SLC38A11: variants seen among roughly 807,000 people sequenced by gnomAD.
SLC38A11 encodes the protein solute carrier family 38 member 11.
A neutral mutation model predicts 49.4 loss-of-function variants in SLC38A11; 51 were observed. The ratio of observed to expected loss-of-function variants is 1.03; its 90% CI spans 0.83 to 1.30. The LOEUF is 1.30. Ranked by LOEUF, SLC38A11 falls within the 50% of genes most tolerant of loss-of-function variation. The pLI is 0.00. For synonymous variants in SLC38A11, 203 were observed against 192.9 expected (o/e 1.05, Z -0.43); for missense variants, 574 against 556.2 (o/e 1.03, Z -0.32).
At chr2:164,910,874 C>T (rs1000438262) in intron 10 of SLC38A11, among the ~76,000 whole-genome samples, 2 of 152,052 alleles carry the variant, frequency 1.3e-5, no homozygotes, top group South Asian at 2.1e-4. Flanking sequence ...GGATTCCTGA[C>T]AGGCCATGTT....
intron 7 of SLC38A11, among the ~76,000 whole-genome samples, chr2:164,929,297 C>T (rs1223215831): frequency 3.3e-5 from 5 of 152,216 alleles, no homozygotes; most frequent in African/African-American, 9.6e-5. Flanking sequence ...CTTTGGGATA[C>T]CCTTTTCCCC....
At chr2:164,941,078 A>C (rs1451221378) in intron 5 of SLC38A11, among the ~76,000 whole-genome samples, 1 of 152,010 alleles carries the variant, frequency 6.6e-6, no homozygotes, top group Non-Finnish European at 1.5e-5. Context: ...ATAACTGAGG[A>C]TCCCATTTGC....
intron 6 of SLC38A11, among the ~76,000 whole-genome samples, chr2:164,937,930 G>A (rs1319227633): frequency 6.6e-6 from 1 of 151,216 alleles, no homozygotes; most frequent in Non-Finnish European, 1.5e-5. Context: ...CTGCTCTCCA[G>A]CTCTACTTTT....
intron 2 of SLC38A11, among the ~76,000 whole-genome samples, chr2:164,954,391 C>A (rs1688712939): frequency 6.6e-6 from 1 of 152,118 alleles, no homozygotes; most frequent in Non-Finnish European, 1.5e-5. Flanking sequence ...CTTAATCTAC[C>A]ACATGTGGAA....
intron 1 of SLC38A11, 136 bp downstream of exon 1, chr2:164,955,073 C>G: frequency 1.3e-6 from 1 of 763,304 alleles, no homozygotes; most frequent in East Asian, 2.8e-5. Context: ...CAGATTAAGG[C>G]AAAACTTTTT....
At chr2:164,903,233 T>C (rs1457849384) in intron 11 of SLC38A11, among the ~76,000 whole-genome samples, 1 of 152,130 alleles carries the variant, frequency 6.6e-6, no homozygotes, top group Non-Finnish European at 1.5e-5. Flanking sequence ...AGTCTTCTCT[T>C]TGTAGTCACA....
intron 7 of SLC38A11, among the ~76,000 whole-genome samples, chr2:164,936,065 C>T (rs1573974675): frequency 6.6e-6 from 1 of 152,092 alleles, no homozygotes; most frequent in African/African-American, 2.4e-5. Flanking sequence ...TAACAATACT[C>T]GGTTTATGTT....
intron 7 of SLC38A11, among the ~76,000 whole-genome samples, chr2:164,936,296 G>A (rs1043116073): frequency 6.6e-6 from 1 of 151,966 alleles, no homozygotes; most frequent in Non-Finnish European, 1.5e-5. Flanking sequence ...TTAGCTTGAG[G>A]CCTTTTTTTT....
chr2:164,911,055 A>C (rs1179973701), intron 10 of SLC38A11, among the ~76,000 whole-genome samples: 1 of 151,896 alleles, frequency 6.6e-6, no homozygotes, highest in Non-Finnish European at 1.5e-5. Flanking sequence ...TGTTATGTAT[A>C]GTTGTAAATA....
chr2:164,955,290 G>C lies in SLC38A11; in HGVS notation c.-43C>G. 6.5e-7 allele frequency: 1 copy of C among 1,544,608 alleles called. No individual in the cohort carries two copies. The highest frequency in any genetic ancestry group is 8.8e-7 in the Non-Finnish European group (1 of 1,141,612). ...CAGCAGGTGGAAGATGCTGGGGCTG[G>C]GTACGGATTCGCACCCGGCCAGCCT... is the stretch of plus-strand genomic sequence containing the variant. On this transcript the variant is annotated 5_prime_UTR_variant, in exon 1 of 12. Transcript: ENST00000685975.
intron 11 of SLC38A11, among the ~76,000 whole-genome samples, chr2:164,903,532 T>C: frequency 6.6e-6 from 1 of 152,200 alleles, no homozygotes. Flanking sequence ...AAAAGCTCAG[T>C]CTTACTAAAG....
chr2:164,941,113 T>C (rs1365853535), intron 5 of SLC38A11, among the ~76,000 whole-genome samples: 1 of 152,082 alleles, frequency 6.6e-6, no homozygotes, highest in Non-Finnish European at 1.5e-5. Flanking sequence ...TCACTAATGC[T>C]CTAATGATGA....
At chr2:164,931,448 A>G (rs1459967760) in intron 7 of SLC38A11, among the ~76,000 whole-genome samples, 2 of 152,126 alleles carry the variant, frequency 1.3e-5, no homozygotes, top group Non-Finnish European at 2.9e-5. Context: ...GGACCAAAAA[A>G]AAGCCTGAAT....
chr2:164,915,316 G>C, intron 8 of SLC38A11, 43 bp from the exon 9 acceptor site: 1 of 1,533,294 alleles, frequency 6.5e-7, no homozygotes, highest in Non-Finnish European at 8.7e-7. Context: ...CAAGCACCAG[G>C]GTTTTCTTTT....
At chr2:164,954,831 A>G (rs1688744630) in intron 1 of SLC38A11, 86 bp from the exon 2 acceptor site, 2 of 589,844 alleles carry the variant, frequency 3.4e-6, no homozygotes, top group Non-Finnish European at 2.9e-6. Context: ...TACTAACACG[A>G]TTTTCTAGTA....
At chr2:164,901,248 T>C (rs1169848153) in intron 11 of SLC38A11, among the ~76,000 whole-genome samples, 1 of 152,166 alleles carries the variant, frequency 6.6e-6, no homozygotes, top group African/African-American at 2.4e-5. Context: ...CCTTCAACTT[T>C]ATTTTTCTTT....
Position 164,915,103 on chromosome 2 carries a change from T to C in SLC38A11, c.850+9A>G, listed in dbSNP as rs1271689807. On this transcript the variant is annotated intron_variant, in intron 9 of 11. Transcript: ENST00000685975. ...CACATGAACACTATAACTGAATCTC[T>C]CATTTTACCTTGGGTGAAGCCAGTA... 1 of 1,600,954 alleles carries C rather than the reference T, an allele frequency of 6.2e-7. No homozygotes were observed. The highest frequency in any genetic ancestry group is 1.7e-5 in the Admixed American group (1 of 57,892).
At chr2:164,954,970 C>T (rs1688751357) in intron 1 of SLC38A11, among the ~76,000 whole-genome samples, 2 of 151,762 alleles carry the variant, frequency 1.3e-5, no homozygotes, top group Non-Finnish European at 2.9e-5. Context: ...CAGATTACAG[C>T]TGCCCCAGCT....
intron 7 of SLC38A11, chr2:164,922,057 A>AAACT (rs1686239215): frequency 6.6e-6 from 1 of 152,206 alleles, no homozygotes; most frequent in African/African-American, 2.4e-5. Context: ...TTTGAAAGAC[A>AAACT]AACTCTTATC....
Sources: gnomAD v4.1 joint callset for allele counts (sites outside exome capture counted in the v4.1 genomes callset) on GRCh38, gnomAD v4.1.1 for gene constraint, MANE v1.5 for transcripts, NCBI Gene and HGNC (gene_info 2026-07-23, HGNC 2026-07-21) for gene names.